Variants in CEMIP observed in about 807,000 individuals in gnomAD.
CEMIP encodes cell migration-inducing and hyaluronan-binding protein.
CEMIP carries 105 observed loss-of-function variants against 156.9 expected under a neutral mutation model. The ratio of observed to expected loss-of-function variants is 0.67; its 90% CI spans 0.57 to 0.79. CEMIP has a LOEUF of 0.79. Among genes scored for constraint, CEMIP ranks in the 30% least tolerant of loss-of-function variants. The pLI is 0.00. For missense variants in CEMIP, 1,457 were observed against 1,769.4 expected (o/e 0.82, Z 3.17); for synonymous variants, 676 against 668.4 (o/e 1.01, Z -0.17).
intron 29 of CEMIP, chr15:80,947,721 G>A (rs572893650): frequency 6.5e-6 from 1 of 153,764 alleles, no homozygotes; most frequent in East Asian, 1.9e-4. Flanking sequence ...TAATGATAAT[G>A]ATCATTGTGG....
At chr15:80,810,114 C>T (rs778933164) in intron 1 of CEMIP, among the ~76,000 whole-genome samples, 3 of 151,928 alleles carry the variant, frequency 2.0e-5, no homozygotes, top group Non-Finnish European at 4.4e-5. Flanking sequence ...GTGGGGGGAT[C>T]TTAAAATTCT....
In CEMIP at chr15:80,879,797, A is replaced by C. The variant is rs756523984; in HGVS notation, c.323A>C (p.His108Pro). 16 of 1,614,220 alleles carry C rather than the reference A, an allele frequency of 9.9e-6. No individual in the cohort carries two copies. In the South Asian group the frequency reaches 1.8e-4, roughly 18 times the overall value. The part of the protein sequence containing the change: ...HILIDNGGEL[H>P]AGSALCPFQG... Reference sequence around the variant, plus strand: ...CTGATTGACAACGGAGGAGAGCTGCATGCTGGGAGTGCCCTCTGCCCTTTC... The same window carrying C: ...CTGATTGACAACGGAGGAGAGCTGCCTGCTGGGAGTGCCCTCTGCCCTTTC... Residue 108 changes from histidine (H) to proline (P), a missense_variant, in exon 5 of 30, where the codon CAT (histidine) becomes CCT (proline). Physicochemically the swap from His to Pro is moderately conservative, Grantham distance 77. This residue lies in a region of CEMIP where 309 missense variants were observed against 340.8 expected (regional missense o/e 0.91). Transcript: ENST00000394685.
chr15:80,839,104 G>T (rs1897329406), intron 1 of CEMIP, among the ~76,000 whole-genome samples: 1 of 152,280 alleles, frequency 6.6e-6, no homozygotes, highest in East Asian at 1.9e-4. Context: ...GGTGTTCGGG[G>T]TAGCAGGAGA....
chr15:80,897,441 G>A, intron 12 of CEMIP: 2 of 432,454 alleles, frequency 4.6e-6, no homozygotes, highest in South Asian at 1.7e-5. Flanking sequence ...TGTGGTGGAG[G>A]CAGTCCACAA....
intron 1 of CEMIP, among the ~76,000 whole-genome samples, chr15:80,841,473 G>A (rs1281981296): frequency 2.0e-5 from 3 of 152,194 alleles, no homozygotes; most frequent in Non-Finnish European, 2.9e-5. Context: ...CCACTTCTTG[G>A]TTCCCGTCCA....
At chr15:80,797,628 A>G (rs1308637857) in intron 1 of CEMIP, among the ~76,000 whole-genome samples, 5 of 147,482 alleles carry the variant, frequency 3.4e-5, no homozygotes, top group Non-Finnish European at 6.0e-5. Context: ...CATTTCTAGA[A>G]GAAACGTACA....
chr15:80,901,904 C>T (rs1410446783), intron 12 of CEMIP, among the ~76,000 whole-genome samples: 1 of 152,146 alleles, frequency 6.6e-6, no homozygotes, highest in African/African-American at 2.4e-5. Flanking sequence ...CATTCTCCCT[C>T]AGTGAAGGCC....
At chr15:80,856,649 A>G (rs1897858860) in intron 1 of CEMIP, among the ~76,000 whole-genome samples, 1 of 152,156 alleles carries the variant, frequency 6.6e-6, no homozygotes, top group South Asian at 2.1e-4. Context: ...TCATCCTTAC[A>G]TATCTCTGTC....
chr15:80,889,761 CTA>C (rs1898972468), intron 10 of CEMIP, among the ~76,000 whole-genome samples, 169 bp downstream of exon 10: 1 of 152,236 alleles, frequency 6.6e-6, no homozygotes, highest in Non-Finnish European at 1.5e-5. Flanking sequence ...CAGAGGCTTA[CTA>C]TCTGCCCAAA....
At chr15:80,854,610 T>C (rs1340217886) in intron 1 of CEMIP, among the ~76,000 whole-genome samples, 1 of 152,240 alleles carries the variant, frequency 6.6e-6, no homozygotes, top group East Asian at 1.9e-4. Context: ...ACAACTTTTA[T>C]GTAAGAGAGT....
chr15:80,895,631 C>T (rs1341440300), intron 11 of CEMIP, among the ~76,000 whole-genome samples: 1 of 152,118 alleles, frequency 6.6e-6, no homozygotes, highest in Non-Finnish European at 1.5e-5. Context: ...TTAACTCCAG[C>T]TAAGAAGTTA....
chr15:80,821,518 C>T (rs1427175750), intron 1 of CEMIP, among the ~76,000 whole-genome samples: 1 of 152,014 alleles, frequency 6.6e-6, no homozygotes, highest in African/African-American at 2.4e-5. Flanking sequence ...TTTCCATCAA[C>T]CAGGTGAAAA....
rs1401843598 is a variant in CEMIP at position 80,873,926 on chromosome 15, C to A, written c.47C>A (p.Thr16Asn). The A allele has an allele frequency of 6.3e-7, 1 of 1,579,848 alleles. No homozygotes were observed. Among genetic ancestry groups the A allele is most frequent in the African/African-American group, 1.3e-5 (1 of 74,854 alleles). ...GACTTCCTCTTCAAGGCCATGCTGA[C>A]CATCAGCTGGCTCACTCTGACCTGC... is the stretch of plus-strand genomic sequence containing the variant. The part of the protein sequence containing the change: ...RQDFLFKAML[T>N]ISWLTLTCFP... Residue 16 changes from threonine (T) to asparagine (N), a missense_variant, in exon 3 of 30, where the codon ACC becomes AAC. Physicochemically the swap from Thr to Asn is moderately conservative, Grantham distance 65 (BLOSUM62 0). Coordinates refer to ENST00000394685, the MANE Select transcript of CEMIP (RefSeq NM_001293298.2).
At chr15:80,913,712 T>C (rs958838477) in intron 14 of CEMIP, among the ~76,000 whole-genome samples, 21 of 152,256 alleles carry the variant, frequency 1.4e-4, no homozygotes, top group Non-Finnish European at 3.1e-4. Flanking sequence ...AACTGTGTTC[T>C]GTGTAAACAT....
At chr15:80,821,759 G>T (rs1896915399) in intron 1 of CEMIP, among the ~76,000 whole-genome samples, 1 of 152,178 alleles carries the variant, frequency 6.6e-6, no homozygotes, top group Non-Finnish European at 1.5e-5. Flanking sequence ...GTGCCCATGG[G>T]CCATGGAACA....
intron 1 of CEMIP, among the ~76,000 whole-genome samples, chr15:80,847,488 C>A (rs1057427702): frequency 1.3e-5 from 2 of 152,212 alleles, no homozygotes; most frequent in Admixed American, 1.3e-4. Context: ...ACAGCTCTAG[C>A]AGCGACTCAG....
chr15:80,830,982 G>A (rs1445974868), intron 1 of CEMIP, among the ~76,000 whole-genome samples: 1 of 152,118 alleles, frequency 6.6e-6, no homozygotes, highest in African/African-American at 2.4e-5. Flanking sequence ...TCATGTACTG[G>A]GTCCAGCACT....
At chr15:80,836,123 C>T (rs977386938) in intron 1 of CEMIP, among the ~76,000 whole-genome samples, 10 of 144,970 alleles carry the variant, frequency 6.9e-5, no homozygotes, top group African/African-American at 2.6e-4. Context: ...TCTTTTTAAA[C>T]CAAAAAGTGC....
intron 1 of CEMIP, among the ~76,000 whole-genome samples, chr15:80,866,807 A>C (rs1013911216): frequency 1.3e-5 from 2 of 149,928 alleles, no homozygotes; most frequent in African/African-American, 2.4e-5. Flanking sequence ...AAAAGACTCT[A>C]TGGATACATA....
Sources: gnomAD v4.1 joint callset for allele counts (sites outside exome capture counted in the v4.1 genomes callset) on GRCh38, gnomAD v4.1.1 for gene constraint, gnomAD v4.1.1 regional missense constraint, MANE v1.5 for transcripts, NCBI Gene and HGNC (gene_info 2026-07-23, HGNC 2026-07-21) for gene names.